The following SLC6A2 variants were observed in gnomAD, a reference collection of about 807,000 sequenced individuals.
SLC6A2 encodes the protein solute carrier family 6 member 2, also known as sodium-dependent noradrenaline transporter.
Under a neutral mutation model 71.7 loss-of-function variants are expected in SLC6A2, and 26 were observed. The observed-to-expected ratio is 0.36, with a 90% CI of 0.27 to 0.50. The LOEUF (loss-of-function observed/expected upper bound fraction) is 0.50. Among genes scored for constraint, SLC6A2 ranks in the 20% least tolerant of loss-of-function variants. The probability of loss-of-function intolerance (pLI) is 0.96; values close to 1 mark genes in which losing one functional copy is unlikely to be tolerated. For missense variants in SLC6A2, 581 were observed against 803.9 expected, an observed-to-expected ratio of 0.72 and a Z score of 3.35; for synonymous variants, 363 against 337.9, an observed-to-expected ratio of 1.07 and a Z score of -0.82.
chr16:55,684,366 C>T (rs2142556490), intron 4 of SLC6A2, among the ~76,000 whole-genome samples: 1 of 151,690 alleles, frequency 6.6e-6, no homozygotes, highest in East Asian at 1.9e-4. Context: ...TTTATCCATT[C>T]CACTGTTGAT....
intron 7 of SLC6A2, among the ~76,000 whole-genome samples, 164 bp downstream of exon 7, chr16:55,694,277 G>A (rs1485576783): frequency 6.6e-6 from 1 of 152,132 alleles, no homozygotes; most frequent in Non-Finnish European, 1.5e-5. Context: ...TGGCCTCTGA[G>A]GGTCCTGATG....
intron 2 of SLC6A2, among the ~76,000 whole-genome samples, chr16:55,661,947 C>T (rs931749809): frequency 4.6e-5 from 7 of 152,222 alleles, no homozygotes; most frequent in African/African-American, 1.4e-4. Flanking sequence ...AGTCTGCAAA[C>T]TCAGTGCTCT....
rs760136076 is a variant in SLC6A2, at chr16:55,700,270, C to G, written c.1722C>G (p.Ile574Met). The change falls in exon 13 of 15, where the codon ATC becomes ATG. Residue 574 changes from isoleucine (I) to methionine (M), a missense_variant. Physicochemically the swap from Ile to Met is conservative, Grantham distance 10 (BLOSUM62 1). Transcript: ENST00000568943. The part of the protein sequence containing the change: ...SSMVLVPIYV[I>M]YKFLSTQGSL... ...TGGTCCTGGTGCCCATCTACGTCAT[C>G]TATAAGTTCCTCAGCACGCAGGGCT... The G allele has an allele frequency of 6.2e-7, 1 of 1,613,916 alleles. No homozygotes were observed. Among genetic ancestry groups the G allele is most frequent in the South Asian group, 1.1e-5 (1 of 91,064 alleles).
intron 2 of SLC6A2, among the ~76,000 whole-genome samples, chr16:55,662,577 T>C (rs1964639054): frequency 1.3e-5 from 2 of 152,222 alleles, no homozygotes; most frequent in South Asian, 4.1e-4. Context: ...AACCCTCTGA[T>C]GTGTTTCTCT....
intron 4 of SLC6A2, among the ~76,000 whole-genome samples, chr16:55,677,922 A>C (rs1399018866): frequency 3.3e-5 from 5 of 152,122 alleles, no homozygotes; most frequent in African/African-American, 9.7e-5. Flanking sequence ...CCATCTCCCA[A>C]AGTGATGGGA....
At chr16:55,672,487 G>T (rs1163444027) in intron 4 of SLC6A2, among the ~76,000 whole-genome samples, 1 of 152,168 alleles carries the variant, frequency 6.6e-6, no homozygotes, top group Non-Finnish European at 1.5e-5. Context: ...GTATGTAACT[G>T]CTCTTAAAGA....
At chr16:55,685,517 A>G (rs893356320) in intron 5 of SLC6A2, among the ~76,000 whole-genome samples, 3 of 152,220 alleles carry the variant, frequency 2.0e-5, no homozygotes, top group Admixed American at 6.5e-5. Flanking sequence ...AGTGGATCAG[A>G]GTTCCTCATA....
intron 12 of SLC6A2, 103 bp from the exon 13 acceptor site, chr16:55,700,036 C>CTCTTCAT: frequency 2.1e-6 from 2 of 941,790 alleles, no homozygotes; most frequent in Non-Finnish European, 3.4e-6. Context: ...ATGCTCACTT[C>CTCTTCAT]TCTTCATTTC....
intron 2 of SLC6A2, among the ~76,000 whole-genome samples, chr16:55,662,888 G>C (rs1266552099): frequency 6.6e-6 from 1 of 152,108 alleles, no homozygotes; most frequent in Non-Finnish European, 1.5e-5. Context: ...ACATGTTTGG[G>C]GGTTTCTCCC....
chr16:55,698,660 C>A, intron 11 of SLC6A2, 92 bp downstream of exon 11: 1 of 878,452 alleles, frequency 1.1e-6, no homozygotes, highest in Non-Finnish European at 1.9e-6. Context: ...TCCAGGACAG[C>A]CACCTAAAAT....
chr16:55,702,428 C>G lies in SLC6A2; in HGVS notation c.*82C>G, dbSNP rs1175790667. The G allele has an allele frequency of 1.2e-6, 2 of 1,612,530 alleles. No homozygotes were observed. Among genetic ancestry groups the G allele is most frequent in the Non-Finnish European group, 1.7e-6 (2 of 1,179,308 alleles). On this transcript the variant is annotated 3_prime_UTR_variant, in exon 15 of 15. Transcript: ENST00000568943. ...GCTGCGCTCCCACCTCGGACACCAT[C>G]TTGGGATTCCTCCCCTGGAAGTTGT...
At chr16:55,660,001 C>A (rs1230448178) in intron 2 of SLC6A2, among the ~76,000 whole-genome samples, 1 of 152,028 alleles carries the variant, frequency 6.6e-6, no homozygotes, top group African/African-American at 2.4e-5. Context: ...TTGTTAATGT[C>A]ATTATGATGA....
chr16:55,696,269 C>T lies in SLC6A2; in HGVS notation c.1192C>T (p.Leu398=). The T allele has an allele frequency of 6.2e-7, 1 of 1,613,856 alleles. No homozygotes were observed. The highest frequency in any genetic ancestry group is 8.5e-7 in the Non-Finnish European group (1 of 1,179,796). ...FILYPEAIST[L]SGSTFWAVVF... is the part of the protein sequence containing the mutation. ...CCTGTATCCAGAGGCCATTTCTACC[C>T]TGTCTGGATCTACATTCTGGGCTGT... The change falls in exon 9 of 15, where the codon CTG becomes TTG. Residue 398 remains leucine (L), a synonymous_variant. Transcript: ENST00000568943.
At chr16:55,659,239 C>G (rs1265115918) in intron 2 of SLC6A2, among the ~76,000 whole-genome samples, 1 of 152,150 alleles carries the variant, frequency 6.6e-6, no homozygotes, top group Non-Finnish European at 1.5e-5. Flanking sequence ...GAAGTTCTTC[C>G]CATTGCTCTA....
At position 55,705,080 on chromosome 16, in the gene SLC6A2, G is replaced by T. The variant is rs186007632; in HGVS notation, c.*2734G>T. The T allele has an allele frequency of 6.0e-5, 45 of 747,198 alleles. No homozygotes were observed. The highest frequency in any genetic ancestry group is 9.3e-5 in the Non-Finnish European group (41 of 439,336). 46.3% of individuals were successfully genotyped at this position (747,198 alleles called of 1,614,324 possible). On this transcript the variant is annotated 3_prime_UTR_variant, in exon 15 of 15. Transcript: ENST00000568943. ...GTGCTGTGTACTGTATATGACACTT[G>T]ACGCTTTTGATATTTTTTCAGGTTT...
intron 5 of SLC6A2, among the ~76,000 whole-genome samples, chr16:55,690,788 A>T (rs977830379): frequency 6.6e-6 from 1 of 152,224 alleles, no homozygotes; most frequent in South Asian, 2.1e-4. Flanking sequence ...CTGAGCTTTA[A>T]CATTTTTACC....
Position 55,702,440 on chromosome 16 carries a change from C to T in SLC6A2, c.*94C>T, listed in dbSNP as rs1966002364. ...CCTCGGACACCATCTTGGGATTCCT[C>T]CCCTGGAAGTTGTCCTTTCTGATCC... is the stretch of plus-strand genomic sequence containing the variant. On this transcript the variant is annotated 3_prime_UTR_variant, in exon 15 of 15. Transcript: ENST00000568943. 2 of 1,609,846 alleles carry T rather than the reference C, an allele frequency of 1.2e-6. No homozygotes were observed. The highest frequency in any genetic ancestry group is 1.3e-5 in the African/African-American group (1 of 74,908).
At chr16:55,696,561 A>G (rs1173647133) in intron 9 of SLC6A2, among the ~76,000 whole-genome samples, 1 of 152,266 alleles carries the variant, frequency 6.6e-6, no homozygotes, top group African/African-American at 2.4e-5. Context: ...CATCTTGGAA[A>G]TCCAAAAGAA....
At chr16:55,691,805 G>T (rs943457879) in intron 5 of SLC6A2, 113 bp from the exon 6 acceptor site, 1 of 1,240,210 alleles carries the variant, frequency 8.1e-7, no homozygotes. Context: ...TTTGGGTAAA[G>T]GAAGGTGGGA....
Sources: allele counts gnomAD v4.1 joint callset (sites outside exome capture counted in the v4.1 genomes callset), GRCh38; gene constraint gnomAD v4.1.1; transcripts MANE v1.5; gene names NCBI Gene and HGNC (gene_info 2026-07-23, HGNC 2026-07-21).